SUGCT: variants seen among roughly 807,000 people sequenced by gnomAD.
The protein encoded by SUGCT is succinyl-CoA:glutarate CoA-transferase.
Under a neutral mutation model 55.0 loss-of-function variants are expected in SUGCT, and 41 were observed. The observed-to-expected ratio is 0.74, with a 90% CI of 0.58 to 0.97. SUGCT has a LOEUF of 0.97. SUGCT is among the 50% of genes least tolerant of loss of function. SUGCT has a pLI of 0.00. For missense variants in SUGCT, 568 were observed against 547.8 expected (o/e 1.04, Z -0.37); for synonymous variants, 187 against 200.4 (o/e 0.93, Z 0.56).
At chr7:40,280,656 C>T (rs1212715931) in intron 8 of SUGCT, among the ~76,000 whole-genome samples, 2 of 152,098 alleles carry the variant, frequency 1.3e-5, no homozygotes, top group East Asian at 3.8e-4. Flanking sequence ...GACTGATAAA[C>T]TTTTGAATCT....
At chr7:40,198,443 GA>G (rs1362384696) in intron 6 of SUGCT, among the ~76,000 whole-genome samples, 1 of 152,178 alleles carries the variant, frequency 6.6e-6, no homozygotes, top group Non-Finnish European at 1.5e-5. Context: ...TGCAATAGTG[GA>G]AGTCATGAAC....
intron 1 of SUGCT, among the ~76,000 whole-genome samples, chr7:40,154,464 TG>T (rs1783782072): frequency 6.6e-6 from 1 of 152,202 alleles, no homozygotes; most frequent in Non-Finnish European, 1.5e-5. Context: ...CTCTGAGATT[TG>T]GGTGTAGAAC....
intron 12 of SUGCT, among the ~76,000 whole-genome samples, chr7:40,626,314 T>C (rs1463791411): frequency 6.6e-6 from 1 of 151,884 alleles, no homozygotes; most frequent in African/African-American, 2.4e-5. Context: ...TGGAGTGCGG[T>C]GGTGTGATCT....
the SUGCT span, among the ~76,000 whole-genome samples, chr7:41,029,790 C>T: frequency 6.6e-6 from 1 of 152,102 alleles, no homozygotes; most frequent in African/African-American, 2.4e-5. Context: ...CATTAAGGCT[C>T]ACTCTTTGTG....
chr7:40,557,570 C>T (rs147081518), intron 12 of SUGCT, among the ~76,000 whole-genome samples: 3,886 of 152,094 alleles, frequency 0.026, 161 homozygotes, highest in African/African-American at 0.09. Context: ...GTCAGGAGTT[C>T]GAGACCACCC....
At chr7:40,243,741 G>A (rs1030494007) in intron 7 of SUGCT, among the ~76,000 whole-genome samples, 2 of 152,116 alleles carry the variant, frequency 1.3e-5, no homozygotes, top group Non-Finnish European at 2.9e-5. Flanking sequence ...CCATGGTAGG[G>A]ATAGCCAAGA....
At chr7:40,742,475 A>G (rs528415052) in intron 12 of SUGCT, among the ~76,000 whole-genome samples, 2 of 152,118 alleles carry the variant, frequency 1.3e-5, no homozygotes, top group African/African-American at 2.4e-5. Context: ...ACAGCGTCCA[A>G]CCGAGATCCC....
At chr7:40,681,986 A>G (rs1784267340) in intron 12 of SUGCT, among the ~76,000 whole-genome samples, 1 of 152,112 alleles carries the variant, frequency 6.6e-6, no homozygotes, top group African/African-American at 2.4e-5. Flanking sequence ...GCATGTGAAG[A>G]TATCTTGAGT....
At chr7:40,143,819 G>A (rs1562792252) in intron 1 of SUGCT, among the ~76,000 whole-genome samples, 1 of 152,206 alleles carries the variant, frequency 6.6e-6, no homozygotes, top group South Asian at 2.1e-4. Context: ...AATAGGGTCT[G>A]TCCCTGAAAC....
intron 12 of SUGCT, among the ~76,000 whole-genome samples, chr7:40,534,424 G>A (rs766618893): frequency 6.6e-6 from 1 of 151,168 alleles, no homozygotes; most frequent in Non-Finnish European, 1.5e-5. Flanking sequence ...TCACTCTGTC[G>A]CCTAGGCTTT....
chr7:40,841,283 CATT>C (rs1793269595), intron 13 of SUGCT, among the ~76,000 whole-genome samples: 1 of 152,062 alleles, frequency 6.6e-6, no homozygotes. Context: ...ATTTATAAAT[CATT>C]ATCTGAGACT....
chr7:40,442,382 A>G (rs1320456012), intron 9 of SUGCT, among the ~76,000 whole-genome samples: 1 of 152,158 alleles, frequency 6.6e-6, no homozygotes, highest in East Asian at 1.9e-4. Flanking sequence ...TATTTCTCTC[A>G]AAAGTAGTTT....
chr7:40,750,876 C>T (rs1787979587), intron 13 of SUGCT, among the ~76,000 whole-genome samples: 1 of 152,134 alleles, frequency 6.6e-6, no homozygotes, highest in Non-Finnish European at 1.5e-5. Context: ...ATCCACTCAT[C>T]TGTATTACTG....
Position 40,570,850 on chromosome 7 carries a change from C to CTTTTT in SUGCT, c.1089+74487_1089+74491dup, listed in dbSNP as rs776733346. On this transcript the variant is annotated intron_variant, in intron 12 of 13. Transcript: ENST00000335693. Reference sequence around the variant, plus strand: ...CCCCTCTGGGCAAAAGCTTTAGGCTCTTTTTTTTTTTTTTTTTTTTTTTTT... The same window carrying CTTTTT: ...CCCCTCTGGGCAAAAGCTTTAGGCTCTTTTTTTTTTTTTTTTTTTTTTTTTTTTTT... Among the ~76,000 whole-genome samples, 110 of 52,304 alleles carry CTTTTT rather than the reference C, an allele frequency of 2.1e-3. 20 individuals are homozygous for CTTTTT. Among genetic ancestry groups the CTTTTT allele is most frequent in the African/African-American group, 8.8e-3 (102 of 11,530 alleles). 34.3% of individuals were successfully genotyped at this position (52,304 alleles called of 152,430 possible).
intron 7 of SUGCT, among the ~76,000 whole-genome samples, chr7:40,251,937 A>T (rs1432531342): frequency 1.4e-5 from 2 of 142,774 alleles, no homozygotes; most frequent in African/African-American, 2.6e-5. Flanking sequence ...TAGGAAAAAT[A>T]AAAAAAAAAA....
intron 7 of SUGCT, among the ~76,000 whole-genome samples, chr7:40,244,367 G>A (rs2150903661): frequency 6.6e-6 from 1 of 152,230 alleles, no homozygotes; most frequent in South Asian, 2.1e-4. Context: ...AAGGAATCAG[G>A]CGGTCTTAGG....
intron 12 of SUGCT, among the ~76,000 whole-genome samples, chr7:40,558,378 A>G (rs1255499332): frequency 4.0e-5 from 6 of 150,450 alleles, no homozygotes; most frequent in South Asian, 2.1e-4. Context: ...GTGTCTGTCA[A>G]TGGATGATTG....
chr7:40,654,007 A>AG (rs1800900659), intron 12 of SUGCT, among the ~76,000 whole-genome samples: 1 of 152,112 alleles, frequency 6.6e-6, no homozygotes, highest in South Asian at 2.1e-4. Flanking sequence ...AAAAAAAAAA[A>AG]GGATACCAAA....
rs184295358 is a variant in SUGCT, at chr7:40,516,267, A to T, written c.1089+19881A>T. On this transcript the variant is annotated intron_variant, in intron 12 of 13. Coordinates refer to ENST00000335693, the MANE Select transcript of SUGCT (RefSeq NM_001193313.2). ...GCATCTGGAAAAATGTCTTGCAAAT[A>T]TTATCTTCCATTCTGTAAGTTTTCT... Among the ~76,000 whole-genome samples, 344 of 152,290 alleles carry T rather than the reference A, an allele frequency of 2.3e-3. 1 individual carries two copies. Among genetic ancestry groups the T allele is most frequent in the African/African-American group, 7.9e-3 (327 of 41,576 alleles).
Sources: allele counts gnomAD v4.1 joint callset (sites outside exome capture counted in the v4.1 genomes callset), GRCh38; gene constraint gnomAD v4.1.1; transcripts MANE v1.5; gene names NCBI Gene and HGNC (gene_info 2026-07-23, HGNC 2026-07-21).